Variants in NPAS3 observed in about 807,000 individuals in gnomAD.
NPAS3 encodes neuronal PAS domain-containing protein 3.
Under a neutral mutation model 73.1 loss-of-function variants are expected in NPAS3, and 14 were observed. The observed-to-expected ratio is 0.19, with a 90% CI of 0.13 to 0.30. NPAS3 has a LOEUF of 0.30. NPAS3 is among the 10% of genes least tolerant of loss of function. NPAS3 has a pLI of 1.00. For missense variants in NPAS3, 1,096 were observed against 1,250.0 expected (o/e 0.88, Z 1.86); for synonymous variants, 620 against 541.5 (o/e 1.14, Z -2.01).
At chr14:33,380,625 G>A (rs2046505359) in intron 4 of NPAS3, among the ~76,000 whole-genome samples, 1 of 152,132 alleles carries the variant, frequency 6.6e-6, no homozygotes, top group African/African-American at 2.4e-5. Flanking sequence ...AAAAGAAAAT[G>A]TCATGCCATT....
At chr14:33,080,045 G>A (rs567015404) in intron 2 of NPAS3, among the ~76,000 whole-genome samples, 1 of 152,304 alleles carries the variant, frequency 6.6e-6, no homozygotes, top group Admixed American at 6.5e-5. Context: ...TAGTGTTGCT[G>A]AGGAGACAAG....
rs190043259 is a variant in NPAS3, at chr14:33,042,108, T to G, written c.51-13797T>G. On this transcript the variant is annotated intron_variant, in intron 1 of 11. Coordinates refer to ENST00000356141, the Ensembl canonical transcript of NPAS3. ...GCCGGTTTCAGTACCAGATAGAACA[T>G]GAACAATTATATATGTCCACATCCT... Among the ~76,000 whole-genome samples, 58 of 152,290 alleles carry G rather than the reference T, an allele frequency of 3.8e-4. 1 individual carries two copies. The highest frequency in any genetic ancestry group is 3.4e-3 in the Middle Eastern group (1 of 294).
intron 3 of NPAS3, among the ~76,000 whole-genome samples, chr14:33,217,236 A>AAGG (rs1456376891): frequency 6.6e-6 from 1 of 152,122 alleles, no homozygotes; most frequent in East Asian, 1.9e-4. Context: ...CACCTCCCAG[A>AAGG]AGCTCCCTTT....
chr14:33,252,598 T>G (rs2048627807), intron 3 of NPAS3, among the ~76,000 whole-genome samples: 1 of 152,086 alleles, frequency 6.6e-6, no homozygotes, highest in African/African-American at 2.4e-5. Context: ...TTACTTTTCA[T>G]TACTATTACA....
At chr14:33,578,194 T>G (rs562997874) in intron 5 of NPAS3, 5 of 453,668 alleles carry the variant, frequency 1.1e-5, no homozygotes, top group East Asian at 7.0e-5. Context: ...AACACCTTTG[T>G]TTTTTTTTCC....
At chr14:33,731,348 G>C (rs2061393637) in intron 6 of NPAS3, among the ~76,000 whole-genome samples, 1 of 149,582 alleles carries the variant, frequency 6.7e-6, no homozygotes, top group African/African-American at 2.5e-5. Flanking sequence ...GAGTCCAGGA[G>C]TTTGAGGCTG....
chr14:33,497,604 T>G (rs539155152), intron 4 of NPAS3, among the ~76,000 whole-genome samples: 18 of 152,278 alleles, frequency 1.2e-4, no homozygotes, highest in African/African-American at 4.3e-4. Flanking sequence ...AGGAAAGGAT[T>G]ACCTATATAA....
intron 4 of NPAS3, among the ~76,000 whole-genome samples, chr14:33,404,361 T>C (rs76821681): frequency 0.017 from 2,523 of 152,226 alleles, 74 homozygotes; most frequent in African/African-American, 0.058. Flanking sequence ...CTGGTAGCCA[T>C]GGTGACACAT....
chr14:33,016,773 C>T (rs2039412282), intron 1 of NPAS3, among the ~76,000 whole-genome samples: 2 of 152,088 alleles, frequency 1.3e-5, no homozygotes. Flanking sequence ...TTCTGCCCCA[C>T]CTCCTTCCTA....
chr14:33,429,706 T>C (rs753574956), intron 4 of NPAS3, among the ~76,000 whole-genome samples: 1 of 152,122 alleles, frequency 6.6e-6, no homozygotes, highest in Non-Finnish European at 1.5e-5. Context: ...TCTCTGCCTA[T>C]GAGGATGAGC....
At chr14:33,682,210 T>C (rs2059958866) in intron 6 of NPAS3, among the ~76,000 whole-genome samples, 1 of 152,204 alleles carries the variant, frequency 6.6e-6, no homozygotes, top group Non-Finnish European at 1.5e-5. Context: ...CATAGTGATC[T>C]CTGATGGATT....
At chr14:33,766,033 G>A (rs2062452376) in intron 7 of NPAS3, among the ~76,000 whole-genome samples, 1 of 152,212 alleles carries the variant, frequency 6.6e-6, no homozygotes, top group Non-Finnish European at 1.5e-5. Context: ...AGCATTAGGT[G>A]TTGTAAGCTT....
intron 2 of NPAS3, among the ~76,000 whole-genome samples, chr14:33,120,050 G>C (rs1377859019): frequency 6.6e-6 from 1 of 151,896 alleles, no homozygotes; most frequent in Admixed American, 6.6e-5. Context: ...TGTCACCCAG[G>C]TTGGGTTCAA....
downstream of NPAS3, chr14:33,803,226 T>C (rs1474489670): frequency 6.6e-6 from 1 of 152,218 alleles, no homozygotes; most frequent in African/African-American, 2.4e-5. Flanking sequence ...CAGAAAATTC[T>C]TTCAAAGGTC....
intron 1 of NPAS3, among the ~76,000 whole-genome samples, chr14:32,944,752 G>A (rs2036183141): frequency 6.6e-6 from 1 of 152,202 alleles, no homozygotes; most frequent in Non-Finnish European, 1.5e-5. Flanking sequence ...TAAAGTAACT[G>A]CTACTGTATC....
chr14:33,428,884 C>T (rs1885264), intron 4 of NPAS3, among the ~76,000 whole-genome samples: 211 of 152,210 alleles, frequency 1.4e-3, no homozygotes, highest in Non-Finnish European at 2.3e-3. Flanking sequence ...GAAATACTAG[C>T]TCTACAATAT....
At chr14:33,110,093 C>T (rs960522159) in intron 2 of NPAS3, among the ~76,000 whole-genome samples, 8 of 152,034 alleles carry the variant, frequency 5.3e-5, no homozygotes, top group Admixed American at 1.3e-4. Flanking sequence ...TAACATATTA[C>T]GTTGAGTGAC....
intron 2 of NPAS3, among the ~76,000 whole-genome samples, chr14:33,148,956 A>G (rs1009856426): frequency 6.6e-6 from 1 of 152,066 alleles, no homozygotes; most frequent in Non-Finnish European, 1.5e-5. Context: ...CCAAGTGCTA[A>G]GATACAGCTA....
At chr14:33,171,018 C>A (rs2045369372) in intron 2 of NPAS3, among the ~76,000 whole-genome samples, 1 of 152,222 alleles carries the variant, frequency 6.6e-6, no homozygotes, top group Admixed American at 6.5e-5. Context: ...CTACCTACGG[C>A]AGTGACAGTC....
Sources: gnomAD v4.1 joint callset for allele counts (sites outside exome capture counted in the v4.1 genomes callset) on GRCh38, gnomAD v4.1.1 for gene constraint, MANE v1.5 for transcripts, NCBI Gene and HGNC (gene_info 2026-07-23, HGNC 2026-07-21) for gene names.